DIDO1: variants seen among roughly 807,000 people sequenced by gnomAD.
DIDO1 encodes death-inducer obliterator 1.
In DIDO1, 16 loss-of-function variants were observed where a neutral mutation model predicts 99.4. That is an observed-to-expected ratio of 0.16 (90% confidence interval 0.11 to 0.24). The LOEUF is 0.24. DIDO1 is among the 10% of genes least tolerant of loss of function. The probability of loss-of-function intolerance (pLI) is 1.00; values close to 1 mark genes in which losing one functional copy is unlikely to be tolerated. For synonymous variants in DIDO1, 1,366 were observed against 1,239.1 expected, an observed-to-expected ratio of 1.10 and a Z score of -2.15; for missense variants, 2,996 against 3,014.0, an observed-to-expected ratio of 0.99 and a Z score of 0.14.
chr20:62,926,260 C>CCGCT (rs755182913), intron 1 of DIDO1, among the ~76,000 whole-genome samples, 179 bp downstream of exon 1: 1 of 26,480 alleles, frequency 3.8e-5, no homozygotes, highest in Non-Finnish European at 6.0e-5. Flanking sequence ...GCCCGCTCGC[C>CCGCT]CGCCCGCCCG....
intron 6 of DIDO1, chr20:62,905,135 T>C (rs1381157411): frequency 9.9e-6 from 10 of 1,009,600 alleles, no homozygotes; most frequent in Non-Finnish European, 9.5e-6. Context: ...TGGGGCAGGA[T>C]ATGATCTTAA....
At chr20:62,898,518 G>T (rs191876395) in intron 6 of DIDO1, among the ~76,000 whole-genome samples, 2 of 152,346 alleles carry the variant, frequency 1.3e-5, no homozygotes, top group African/African-American at 4.8e-5. Context: ...CGACTTTCAA[G>T]ATTTCCATGT....
intron 6 of DIDO1, among the ~76,000 whole-genome samples, chr20:62,902,325 T>C (rs1039080994): frequency 6.6e-6 from 1 of 152,198 alleles, no homozygotes; most frequent in African/African-American, 2.4e-5. Flanking sequence ...GTTATATGGA[T>C]AACGTAAAAA....
Position 62,922,109 on chromosome 20 carries a change from T to TACAC in DIDO1, c.-200+4326_-200+4329dup, listed in dbSNP as rs58178322. Among the ~76,000 whole-genome samples, 722 of 110,628 alleles carry TACAC rather than the reference T, an allele frequency of 6.5e-3. 7 individuals are homozygous for TACAC. The highest frequency in any genetic ancestry group is 0.021 in the African/African-American group (649 of 31,454). 72.6% of individuals were successfully genotyped at this position (110,628 alleles called of 152,430 possible). On this transcript the variant is annotated intron_variant, in intron 1 of 15. Coordinates refer to ENST00000395343, the MANE Select transcript of DIDO1 (RefSeq NM_001193369.2). ...ACACTATATATACACACTATATATATACACACACACACACACATATATACA... is the reference window on the plus strand; with the variant it reads ...ACACTATATATACACACTATATATATACACACACACACACACACACATATATACA...
intron 15 of DIDO1, chr20:62,889,250 A>T (rs2064350632): frequency 3.0e-6 from 3 of 985,558 alleles, no homozygotes; most frequent in Non-Finnish European, 3.6e-6. Flanking sequence ...CTGCACAGCC[A>T]GCCCTTGCTG....
chr20:62,922,156 AAAC>A (rs1208143011), intron 1 of DIDO1, among the ~76,000 whole-genome samples: 1 of 149,502 alleles, frequency 6.7e-6, no homozygotes. Flanking sequence ...ACACACACAC[AAAC>A]AATGCCCGGC....
At chr20:62,916,203 C>A (rs2065034807) in intron 1 of DIDO1, among the ~76,000 whole-genome samples, 1 of 152,180 alleles carries the variant, frequency 6.6e-6, no homozygotes, top group African/African-American at 2.4e-5. Context: ...CATATTGTAT[C>A]AGTAACAACT....
At chr20:62,907,006 G>T in intron 5 of DIDO1, 141 bp downstream of exon 5, 2 of 808,530 alleles carry the variant, frequency 2.5e-6, no homozygotes, top group Non-Finnish European at 4.0e-6. Flanking sequence ...TGGGAAGGTG[G>T]AAGACAAAGG....
In DIDO1 at chr20:62,880,176, C is replaced by G. The variant is rs775113306; in HGVS notation, c.5780G>C (p.Arg1927Thr). Residue 1927 changes from arginine to threonine, a missense_variant, in exon 16 of 16, where the codon AGA becomes ACA. Around this residue, in one of 5 missense-constraint regions of DIDO1, gnomAD observed 1,562 missense variants for 1,412.6 expected, o/e 1.11. Coordinates refer to ENST00000395343, the MANE Select transcript of DIDO1 (RefSeq NM_001193369.2). ...TTCAAACTGACTAGGATGGGGCCCT[C>G]TTGGGCCCACGAAATGACCAGGGGG... Reference protein sequence around the residue: ...GPPPGHFVGPRGPHPSQFETA... With the variant: ...GPPPGHFVGPTGPHPSQFETA... 6.2e-7 allele frequency: 1 copy of G among 1,612,384 alleles called. No individual in the cohort carries two copies. Among genetic ancestry groups the G allele is most frequent in the Non-Finnish European group, 8.5e-7 (1 of 1,179,804 alleles).
Position 62,880,391 on chromosome 20 carries a change from G to T in DIDO1, c.5565C>A (p.Phe1855Leu). 6.2e-7 allele frequency: 1 copy of T among 1,612,860 alleles called. No individual in the cohort carries two copies. Among genetic ancestry groups the T allele is most frequent in the Non-Finnish European group, 8.5e-7 (1 of 1,180,012 alleles). The change falls in exon 16 of 16, where the codon TTC becomes TTA. Residue 1855 changes from phenylalanine (F) to leucine (L), a missense_variant. By Grantham distance (22) the Phe-to-Leu change is conservative. Around this residue, in one of 5 missense-constraint regions of DIDO1, gnomAD observed 1,562 missense variants for 1,412.6 expected, o/e 1.11. Coordinates refer to ENST00000395343, the MANE Select transcript of DIDO1 (RefSeq NM_001193369.2). Reference protein sequence around the residue: ...RKDPHGEKREFQDAPYNEVTG... With the variant: ...RKDPHGEKRELQDAPYNEVTG... ...TCACCTCGTTATACGGGGCGTCCTG[G>T]AACTCCCTCTTCTCCCCATGGGGAT...
chr20:62,903,215 A>G (rs1025222337), intron 6 of DIDO1, among the ~76,000 whole-genome samples: 1 of 152,246 alleles, frequency 6.6e-6, no homozygotes, highest in Non-Finnish European at 1.5e-5. Context: ...GGACCTACTG[A>G]TATCTTAGCA....
intron 3 of DIDO1, 134 bp downstream of exon 3, chr20:62,910,640 C>T: frequency 5.3e-6 from 6 of 1,134,666 alleles, no homozygotes; most frequent in Non-Finnish European, 7.6e-6. Context: ...TTATGTGTTT[C>T]TTTTTTGACA....
intron 1 of DIDO1, among the ~76,000 whole-genome samples, chr20:62,925,981 C>CT (rs2065244720): frequency 6.6e-6 from 1 of 152,204 alleles, no homozygotes; most frequent in African/African-American, 2.4e-5. Flanking sequence ...CGACCGCACC[C>CT]AAGGCCCGGG....
chr20:62,936,411 C>T (rs1273085534), intron 1 of DIDO1, among the ~76,000 whole-genome samples: 1 of 151,954 alleles, frequency 6.6e-6, no homozygotes, highest in East Asian at 1.9e-4. Context: ...AATAAGTAGC[C>T]GGGCGTGGTG....
intron 8 of DIDO1, 56 bp from the exon 9 acceptor site, chr20:62,895,221 G>A (rs1393822846): frequency 4.7e-6 from 7 of 1,499,900 alleles, no homozygotes; most frequent in Non-Finnish European, 6.5e-6. Flanking sequence ...TGTCAATACA[G>A]AGAGCTTCTG....
chr20:62,926,593 C>T (rs1261010262), upstream of DIDO1: 1 of 152,174 alleles, frequency 6.6e-6, no homozygotes, highest in Non-Finnish European at 1.5e-5. Context: ...GGAGCCCGGG[C>T]TGCGAAGCCC....
At position 62,906,049 on chromosome 20, in the gene DIDO1, CTT is replaced by C; in HGVS notation, c.1424_1425del (p.Lys475ArgfsTer15). On this transcript the variant is annotated frameshift_variant, in exon 6 of 16. Transcript: ENST00000395343. LOFTEE classifies it high-confidence loss of function. ...SVHKRPAPEK[K>X]ETTVKKAVVV... ...ACCACTGCCTTCTTCACTGTGGTCT[CTT>C]TTTTTTCTGGAGCTGGTCTCTTGTG... 6.2e-7 allele frequency: 1 copy of C among 1,613,488 alleles called. No homozygotes were observed. Among genetic ancestry groups the C allele is most frequent in the Non-Finnish European group, 8.5e-7 (1 of 1,179,930 alleles).
intron 15 of DIDO1, chr20:62,888,985 C>T (rs749153858): frequency 1.5e-5 from 15 of 985,364 alleles, no homozygotes; most frequent in South Asian, 4.7e-5. Flanking sequence ...TTTACCCAGA[C>T]GCCTCTGCTC....
rs75238725 is a variant in DIDO1, at chr20:62,916,232, T to C, written c.-199-1826A>G. Among the ~76,000 whole-genome samples the C allele has an allele frequency of 8.5e-4, 130 of 152,170 alleles. 2 individuals are homozygous for C. The East Asian group carries it at 0.022, about 26-fold the overall frequency. ...AACAACTTTTCCCCAGAAAGAAAAA[T>C]GTGGGTATCCTTGAAGCTGGGAAGT... On this transcript the variant is annotated intron_variant, in intron 1 of 15. Coordinates refer to ENST00000395343, the MANE Select transcript of DIDO1 (RefSeq NM_001193369.2).
Sources: allele counts gnomAD v4.1 joint callset (sites outside exome capture counted in the v4.1 genomes callset), GRCh38; gene constraint gnomAD v4.1.1; regional missense constraint gnomAD v4.1.1; transcripts MANE v1.5; gene names NCBI Gene and HGNC (gene_info 2026-07-23, HGNC 2026-07-21).